The following GP5 variants were observed in gnomAD, a reference collection of about 807,000 sequenced individuals.
GP5 encodes the protein platelet glycoprotein V.
For synonymous variants in GP5, 382 were observed against 353.9 expected (o/e 1.08, Z -0.89); for missense variants, 755 against 737.1 (o/e 1.02, Z -0.28).
Position 194,397,056 on chromosome 3 carries a change from A to C in GP5, c.1227T>G (p.Ala409=). The C allele has an allele frequency of 6.3e-7, 1 of 1,596,792 alleles. No homozygotes were observed. The highest frequency in any genetic ancestry group is 8.5e-7 in the Non-Finnish European group (1 of 1,178,578). The change falls in exon 2 of 2, where the codon GCT becomes GCG. Residue 409 remains alanine, a synonymous_variant. Coordinates refer to ENST00000692618, the MANE Select transcript of GP5 (RefSeq NM_004488.2). The surrounding 1 kb of genome is among the most constrained non-coding windows in gnomAD (Gnocchi z 7.2). ...ACAGGACCTCCGTCAGCCGGGGCAG[A>C]GCCCCAAACACGTCGCCAGGCAGGG... ...LETLPGDVFG[A]LPRLTEVLLG...
rs1015417682 is a variant in GP5, at chr3:194,397,218, G to A, written c.1065C>T (p.Pro355=). The change falls in exon 2 of 2, where the codon CCC becomes CCT. Residue 355 remains proline, a synonymous_variant. Coordinates refer to ENST00000692618, the MANE Select transcript of GP5 (RefSeq NM_004488.2). The surrounding 1 kb of genome is among the most constrained non-coding windows in gnomAD (Gnocchi z 7.2). ...TGCCGAGGCCGCGCAGCAAGCCGTCGGGGAGGGCGGTCAGGCCGTTGGAGT... is the reference window on the plus strand; with the variant it reads ...TGCCGAGGCCGCGCAGCAAGCCGTCAGGGAGGGCGGTCAGGCCGTTGGAGT... ...ALHSNGLTAL[P]DGLLRGLGKL... The A allele has an allele frequency of 1.3e-6, 2 of 1,572,354 alleles. No homozygotes were observed. The highest frequency in any genetic ancestry group is 1.3e-5 in the African/African-American group (1 of 74,356).
rs1714416741 is a variant in GP5 at position 194,394,903 on chromosome 3, A to G, written c.*1697T>C. 6.6e-6 allele frequency: 1 copy of G among 152,256 alleles called. No individual in the cohort carries two copies. The highest frequency in any genetic ancestry group is 6.5e-5 in the Admixed American group (1 of 15,282). The allele number at this position is 152,256 out of a possible 1,614,324, so 9.4% of individuals were successfully genotyped here. The stretch of plus-strand genomic sequence containing the variant: ...CGCAGGGGAAGACAGACTGATGTGA[A>G]TGTAACCTCCAGTCTGAGAAAGTTC... On this transcript the variant is annotated 3_prime_UTR_variant, in exon 2 of 2. Transcript: ENST00000692618.
Position 194,397,466 on chromosome 3 carries a change from G to C in GP5, c.817C>G (p.Leu273Val), listed in dbSNP as rs1308373958. ...LHSHNLTLLT[L>V]FENPLAELPG... ...AGCTCTGCCAGCGGGTTCTCGAACA[G>C]AGTCAACAGAGTCAGATTGTGCGAA... is the stretch of plus-strand genomic sequence containing the variant. Residue 273 changes from leucine (L) to valine (V), a missense_variant, in exon 2 of 2, where the codon CTG (leucine) becomes GTG (valine). Coordinates refer to ENST00000692618, the MANE Select transcript of GP5 (RefSeq NM_004488.2). This position sits in a 1 kb window ranked among gnomAD's most constrained non-coding sequence, Gnocchi z 7.2. 6 of 1,613,716 alleles carry C rather than the reference G, an allele frequency of 3.7e-6. No individual in the cohort carries two copies. Among genetic ancestry groups the C allele is most frequent in the Non-Finnish European group, 5.1e-6 (6 of 1,179,958 alleles).
chr3:194,397,031 A>G lies in GP5; in HGVS notation c.1252T>C (p.Leu418=). ...GALPRLTEVL[L]GHNSWRCDCG... is the part of the protein sequence containing the mutation. ...TCGCAGCGCCAGGAGTTGTGCCCCA[A>G]CAGGACCTCCGTCAGCCGGGGCAGA... Residue 418 remains leucine (L), a synonymous_variant, in exon 2 of 2, where the codon TTG becomes CTG. Transcript: ENST00000692618. The surrounding 1 kb of genome is among the most constrained non-coding windows in gnomAD (Gnocchi z 7.2). The G allele has an allele frequency of 6.3e-7, 1 of 1,597,756 alleles. No individual in the cohort carries two copies. The highest frequency in any genetic ancestry group is 8.5e-7 in the Non-Finnish European group (1 of 1,178,724).
Position 194,396,702 on chromosome 3 carries a change from C to T in GP5, c.1581G>A (p.Leu527=), listed in dbSNP as rs1279747820. The part of the protein sequence containing the change: ...DHSPFWGFYF[L]LLAVQAMITV... ...TGATCATGGCCTGAACAGCTAAAAG[C>T]AGAAAATAAAACCCCCAGAACGGAC... is the stretch of plus-strand genomic sequence containing the variant. Residue 527 remains leucine, a synonymous_variant, in exon 2 of 2, where the codon CTG becomes CTA. Coordinates refer to ENST00000692618, the MANE Select transcript of GP5 (RefSeq NM_004488.2). 6.2e-7 allele frequency: 1 copy of T among 1,614,126 alleles called. No homozygotes were observed. The highest frequency in any genetic ancestry group is 8.5e-7 in the Non-Finnish European group (1 of 1,179,980).
rs1207089642 is a variant in GP5 at position 194,396,794 on chromosome 3, C to T, written c.1489G>A (p.Ala497Thr). The T allele has an allele frequency of 6.2e-7, 1 of 1,611,858 alleles. No homozygotes were observed. Among genetic ancestry groups the T allele is most frequent in the East Asian group, 2.2e-5 (1 of 44,772 alleles). The change falls in exon 2 of 2, where the codon GCT (alanine) becomes ACT (threonine). Residue 497 changes from alanine to threonine, a missense_variant. By Grantham distance (58) the Ala-to-Thr change is moderately conservative. Coordinates refer to ENST00000692618, the MANE Select transcript of GP5 (RefSeq NM_004488.2). ...ACCCAGGGTTCTGAGCTGTTGGGAG[C>T]CAAGGCTGGGTGGACAGGGGCTTCC... Reference protein sequence around the residue: ...SSEAPVHPALAPNSSEPWVWA... With the variant: ...SSEAPVHPALTPNSSEPWVWA...
Position 194,398,181 on chromosome 3 carries a change from C to T in GP5, c.102G>A (p.Gln34=). 1 of 1,612,828 alleles carries T rather than the reference C, an allele frequency of 6.2e-7. No individual in the cohort carries two copies. The highest frequency in any genetic ancestry group is 1.1e-5 in the South Asian group (1 of 91,034). The part of the protein sequence containing the change: ...ACKCVFRDAA[Q]CSGGDVARIS... The stretch of plus-strand genomic sequence containing the variant: ...TGCGCGCCACGTCGCCCCCCGAGCA[C>T]TGCGCGGCGTCCCGGAAGACACACT... Residue 34 remains glutamine (Q), a synonymous_variant, in exon 2 of 2, where the codon CAG becomes CAA. Transcript: ENST00000692618.
At position 194,397,023 on chromosome 3, in the gene GP5, G is replaced by A. The variant is rs1714477233; in HGVS notation, c.1260C>T (p.His420=). The A allele has an allele frequency of 6.3e-7, 1 of 1,597,604 alleles. No individual in the cohort carries two copies. Among genetic ancestry groups the A allele is most frequent in the Non-Finnish European group, 8.5e-7 (1 of 1,178,650 alleles). The change falls in exon 2 of 2, where the codon CAC becomes CAT. Residue 420 remains histidine (H), a synonymous_variant. Coordinates refer to ENST00000692618, the MANE Select transcript of GP5 (RefSeq NM_004488.2). This position sits in a 1 kb window ranked among gnomAD's most constrained non-coding sequence, Gnocchi z 7.2. Reference sequence around the variant, plus strand: ...GGCCACAGTCGCAGCGCCAGGAGTTGTGCCCCAACAGGACCTCCGTCAGCC... The same window carrying A: ...GGCCACAGTCGCAGCGCCAGGAGTTATGCCCCAACAGGACCTCCGTCAGCC... ...LPRLTEVLLG[H]NSWRCDCGLG... is the part of the protein sequence containing the mutation.
In GP5 at chr3:194,396,917, C is replaced by G; in HGVS notation, c.1366G>C (p.Ala456Pro). The change falls in exon 2 of 2, where the codon GCG (alanine) becomes CCG (proline). Residue 456 changes from alanine (A) to proline (P), a missense_variant. Physicochemically the swap from Ala to Pro is conservative, Grantham distance 27. Coordinates refer to ENST00000692618, the MANE Select transcript of GP5 (RefSeq NM_004488.2). ...EEPPRCAGPG[A>P]HAGLPLWALP... ...GCCCAGAGCGGCAGGCCGGCGTGCG[C>G]CCCAGGGCCTGCGCACCGTGGGGGC... The G allele has an allele frequency of 6.6e-7, 1 of 1,522,902 alleles. No individual in the cohort carries two copies. Among genetic ancestry groups the G allele is most frequent in the Non-Finnish European group, 8.8e-7 (1 of 1,136,468 alleles). 94.3% of individuals were successfully genotyped at this position (1,522,902 alleles called of 1,614,324 possible). A position where few individuals can be genotyped will look rare whatever the true frequency, so the allele number is the denominator to read the frequency against.
Position 194,396,576 on chromosome 3 carries a change from T to C in GP5, c.*24A>G. ...GAGCCACATCTGGTCAGGTTCTAAG[T>C]AATTAGAAGATTTTCCCATTGGTTT... On this transcript the variant is annotated 3_prime_UTR_variant, in exon 2 of 2. Transcript: ENST00000692618. The C allele has an allele frequency of 2.5e-6, 4 of 1,576,534 alleles. No homozygotes were observed. The highest frequency in any genetic ancestry group is 1.2e-5 in the South Asian group (1 of 84,246).
Position 194,397,446 on chromosome 3 carries a change from T to C in GP5, c.837A>G (p.Ala279=), listed in dbSNP as rs1254265446. Residue 279 remains alanine (A), a synonymous_variant, in exon 2 of 2, where the codon GCA becomes GCG. Coordinates refer to ENST00000692618, the MANE Select transcript of GP5 (RefSeq NM_004488.2). The surrounding 1 kb of genome is among the most constrained non-coding windows in gnomAD (Gnocchi z 7.2). The stretch of plus-strand genomic sequence containing the variant: ...CCCCGAAGAGCACCCCCGGGAGCTC[T>C]GCCAGCGGGTTCTCGAACAGAGTCA... ...TLLTLFENPL[A]ELPGVLFGEM... The C allele has an allele frequency of 6.2e-7, 1 of 1,613,354 alleles. No homozygotes were observed. The highest frequency in any genetic ancestry group is 1.7e-5 in the Admixed American group (1 of 60,010).
Position 194,396,940 on chromosome 3 carries a change from G to A in GP5, c.1343C>T (p.Pro448Leu). ...QHLGLVGGEE[P>L]PRCAGPGAHA... ...CGCCCCAGGGCCTGCGCACCGTGGG[G>A]GCTCTTCCCCGCCCACGAGGCCTAG... is the stretch of plus-strand genomic sequence containing the variant. Residue 448 changes from proline (P) to leucine (L), a missense_variant, in exon 2 of 2, where the codon CCC becomes CTC. By Grantham distance (98) the Pro-to-Leu change is moderately conservative. Coordinates refer to ENST00000692618, the MANE Select transcript of GP5 (RefSeq NM_004488.2). 6.5e-7 allele frequency: 1 copy of A among 1,538,266 alleles called. No homozygotes were observed.
At position 194,397,245 on chromosome 3, in the gene GP5, C is replaced by T; in HGVS notation, c.1038G>A (p.Leu346=). ...QGLGELQVLA[L]HSNGLTALPD... The stretch of plus-strand genomic sequence containing the variant: ...GGAGGGCGGTCAGGCCGTTGGAGTG[C>T]AGGGCGAGCACCTGGAGCTCGCCAA... The change falls in exon 2 of 2, where the codon CTG becomes CTA. Residue 346 remains leucine, a synonymous_variant. Coordinates refer to ENST00000692618, the MANE Select transcript of GP5 (RefSeq NM_004488.2). The surrounding 1 kb of genome is among the most constrained non-coding windows in gnomAD (Gnocchi z 7.2). The T allele has an allele frequency of 6.3e-7, 1 of 1,576,666 alleles. No individual in the cohort carries two copies. Among genetic ancestry groups the T allele is most frequent in the Non-Finnish European group, 8.6e-7 (1 of 1,169,416 alleles).
rs1044364958 is a variant in GP5 at position 194,397,171 on chromosome 3, C to A, written c.1112G>T (p.Arg371Leu). 6.3e-7 allele frequency: 1 copy of A among 1,577,268 alleles called. No individual in the cohort carries two copies. The highest frequency in any genetic ancestry group is 1.1e-5 in the South Asian group (1 of 88,474). Residue 371 changes from arginine to leucine, a missense_variant, in exon 2 of 2, where the codon CGC (arginine) becomes CTC (leucine). Physicochemically the swap from Arg to Leu is moderately radical, Grantham distance 102. Coordinates refer to ENST00000692618, the MANE Select transcript of GP5 (RefSeq NM_004488.2). The surrounding 1 kb of genome is among the most constrained non-coding windows in gnomAD (Gnocchi z 7.2). ...GGGCAGGGCGCGCAGCCTGTTGCGGCGCAGGGACACCTGGCGCAGCTTGCC... is the reference window on the plus strand; with the variant it reads ...GGGCAGGGCGCGCAGCCTGTTGCGGAGCAGGGACACCTGGCGCAGCTTGCC... ...GLGKLRQVSL[R>L]RNRLRALPRA...
rs1463068102 is a variant in GP5 at position 194,397,238 on chromosome 3, T to G, written c.1045A>C (p.Asn349His). Residue 349 changes from asparagine to histidine, a missense_variant, in exon 2 of 2, where the codon AAC becomes CAC. Asn to His is a moderately conservative substitution (Grantham distance 68). Transcript: ENST00000692618. This position sits in a 1 kb window ranked among gnomAD's most constrained non-coding sequence, Gnocchi z 7.2. ...GELQVLALHS[N>H]GLTALPDGLL... ...CCGTCGGGGAGGGCGGTCAGGCCGT[T>G]GGAGTGCAGGGCGAGCACCTGGAGC... 6.3e-7 allele frequency: 1 copy of G among 1,576,106 alleles called. No individual in the cohort carries two copies. The highest frequency in any genetic ancestry group is 8.6e-7 in the Non-Finnish European group (1 of 1,169,296).
At chr3:194,398,536 G>T (rs1043529021) in intron 1 of GP5, among the ~76,000 whole-genome samples, 14 of 152,174 alleles carry the variant, frequency 9.2e-5, no homozygotes, top group Admixed American at 7.2e-4. Flanking sequence ...TCAAGCTACC[G>T]AATAGCCAAT....
chr3:194,398,166 G>T lies in GP5; in HGVS notation c.117C>A (p.Asp39Glu). ...FRDAAQCSGG[D>E]VARISALGLP... is the part of the protein sequence containing the mutation. Reference sequence around the variant, plus strand: ...GGCCTAGCGCGGAGATGCGCGCCACGTCGCCCCCCGAGCACTGCGCGGCGT... The same window carrying T: ...GGCCTAGCGCGGAGATGCGCGCCACTTCGCCCCCCGAGCACTGCGCGGCGT... Residue 39 changes from aspartate (D) to glutamate (E), a missense_variant, in exon 2 of 2, where the codon GAC becomes GAA. Transcript: ENST00000692618. 2 of 1,612,890 alleles carry T rather than the reference G, an allele frequency of 1.2e-6. No homozygotes were observed. The highest frequency in any genetic ancestry group is 1.7e-6 in the Non-Finnish European group (2 of 1,179,794).
intron 1 of GP5, among the ~76,000 whole-genome samples, chr3:194,398,518 CAG>C (rs3077367): frequency 0.012 from 1,825 of 152,368 alleles, 23 homozygotes; most frequent in East Asian, 0.045. Flanking sequence ...ATTGAGATTA[CAG>C]AGTTTTCAAG....
chr3:194,395,314 G>C lies in GP5; in HGVS notation c.*1286C>G, dbSNP rs952165123. 1 of 152,182 alleles carries C rather than the reference G, an allele frequency of 6.6e-6. No homozygotes were observed. Among genetic ancestry groups the C allele is most frequent in the Non-Finnish European group, 1.5e-5 (1 of 68,034 alleles). The allele number at this position is 152,182 out of a possible 1,614,324, so 9.4% of individuals were successfully genotyped here. On this transcript the variant is annotated 3_prime_UTR_variant, in exon 2 of 2. Coordinates refer to ENST00000692618, the MANE Select transcript of GP5 (RefSeq NM_004488.2). ...TCAATTAAAGCAACAAAGGTTTTAC[G>C]GCTTTCAGTTGGAAGAACAAATGAG...
Sources: allele counts gnomAD v4.1 joint callset (sites outside exome capture counted in the v4.1 genomes callset), GRCh38; gene constraint gnomAD v4.1.1; non-coding constraint Gnocchi (gnomAD v3.1); transcripts MANE v1.5; gene names NCBI Gene and HGNC (gene_info 2026-07-23, HGNC 2026-07-21).